FBN2: variants seen among roughly 807,000 people sequenced by gnomAD.
FBN2 encodes fibrillin-2.
A neutral mutation model predicts 355.6 loss-of-function variants in FBN2; 105 were observed. The ratio of observed to expected loss-of-function variants is 0.30; its 90% CI spans 0.25 to 0.35. The LOEUF (loss-of-function observed/expected upper bound fraction) is 0.35. Ranked by LOEUF, FBN2 falls within the 10% of genes least tolerant of loss-of-function variation. The pLI, the probability that FBN2 is intolerant of heterozygous loss-of-function variation, is 1.00. For missense variants in FBN2, 3,280 were observed against 3,758.7 expected (o/e 0.87, Z 3.33); for synonymous variants, 1,350 against 1,301.2 (o/e 1.04, Z -0.81).
chr5:128,296,009 C>G (rs1483453781), intron 48 of FBN2, among the ~76,000 whole-genome samples: 2 of 151,680 alleles, frequency 1.3e-5, no homozygotes, highest in African/African-American at 4.9e-5. Flanking sequence ...GAGATACGTC[C>G]CATCAATACC....
intron 36 of FBN2, among the ~76,000 whole-genome samples, chr5:128,315,834 C>T (rs927055983): frequency 6.6e-6 from 1 of 152,124 alleles, no homozygotes; most frequent in African/African-American, 2.4e-5. Flanking sequence ...ACTGTATTTC[C>T]TTTGTCTACG....
At chr5:128,476,666 CA>C (rs199839113) in intron 5 of FBN2, among the ~76,000 whole-genome samples, 141 of 143,828 alleles carry the variant, frequency 9.8e-4, no homozygotes, top group East Asian at 6.9e-3. Context: ...AGCAAGTAGA[CA>C]AAAAAAAAAT....
intron 7 of FBN2, among the ~76,000 whole-genome samples, chr5:128,425,901 G>C (rs1753470780): frequency 6.6e-6 from 1 of 152,098 alleles, no homozygotes; most frequent in Non-Finnish European, 1.5e-5. Flanking sequence ...TTATTCTCTT[G>C]ACAGTTTACA....
intron 6 of FBN2, among the ~76,000 whole-genome samples, chr5:128,449,530 G>A (rs957795704): frequency 4.7e-5 from 7 of 149,332 alleles, no homozygotes; most frequent in Middle Eastern, 3.8e-3. Flanking sequence ...AGTTAAATAC[G>A]TATAAACACT....
chr5:128,523,427 T>C (rs576640141), intron 4 of FBN2, among the ~76,000 whole-genome samples: 2 of 152,252 alleles, frequency 1.3e-5, no homozygotes, highest in South Asian at 2.1e-4. Context: ...TTGGGCTGAA[T>C]TGGGTCTCTG....
chr5:128,385,931 C>T (rs139950124), intron 11 of FBN2, among the ~76,000 whole-genome samples: 115 of 151,906 alleles, frequency 7.6e-4, no homozygotes, highest in Middle Eastern at 6.8e-3. Context: ...GATATTAGAC[C>T]ACTGTCAGAG....
chr5:128,297,658 C>T (rs566993894), intron 48 of FBN2, among the ~76,000 whole-genome samples: 3 of 152,228 alleles, frequency 2.0e-5, no homozygotes, highest in African/African-American at 7.2e-5. Flanking sequence ...AGGATTGCAA[C>T]CCCTGCCTTT....
At chr5:128,348,497 T>A (rs909424289) in intron 23 of FBN2, among the ~76,000 whole-genome samples, 1 of 152,126 alleles carries the variant, frequency 6.6e-6, no homozygotes, top group African/African-American at 2.4e-5. Flanking sequence ...ATAATAACTG[T>A]ATGGTATTGC....
intron 20 of FBN2, among the ~76,000 whole-genome samples, chr5:128,353,269 T>C (rs1023613309): frequency 7.9e-5 from 12 of 152,086 alleles, no homozygotes; most frequent in African/African-American, 2.9e-4. Context: ...GGGCCTATGA[T>C]GGCAGAAATA....
At chr5:128,513,530 G>C (rs911126399) in intron 5 of FBN2, among the ~76,000 whole-genome samples, 1 of 152,192 alleles carries the variant, frequency 6.6e-6, no homozygotes, top group African/African-American at 2.4e-5. Flanking sequence ...GAAAGAGCTG[G>C]AATAAATGAG....
intron 34 of FBN2, among the ~76,000 whole-genome samples, chr5:128,325,545 A>G (rs559280090): frequency 6.6e-6 from 1 of 152,294 alleles, no homozygotes; most frequent in Non-Finnish European, 1.5e-5. Flanking sequence ...GAAGTCTTCA[A>G]TCCTCCTCTA....
rs547145574 is a variant in FBN2 at position 128,374,570 on chromosome 5, T to C, written c.2095+58A>G. The C allele has an allele frequency of 3.1e-6, 5 of 1,606,842 alleles. No individual in the cohort carries two copies. The South Asian group carries it at 5.5e-5, about 18-fold the overall frequency. On this transcript the variant is annotated intron_variant, in intron 15 of 64. Coordinates refer to ENST00000262464, the MANE Select transcript of FBN2 (RefSeq NM_001999.4). ...TTACTCCACTGTATAGAAATATCTC[T>C]GTCAGTTTTTCAAAGATCATTTTGC...
At chr5:128,293,460 C>G (rs1022011805) in intron 48 of FBN2, among the ~76,000 whole-genome samples, 28 of 151,946 alleles carry the variant, frequency 1.8e-4, no homozygotes, top group African/African-American at 6.3e-4. Context: ...CCACTGCACT[C>G]CAGCCTGAGT....
intron 5 of FBN2, among the ~76,000 whole-genome samples, chr5:128,512,198 A>T (rs1051790390): frequency 1.3e-5 from 2 of 152,124 alleles, no homozygotes; most frequent in Non-Finnish European, 2.9e-5. Context: ...TCTCTCACCC[A>T]TTAGGACAAT....
At chr5:128,399,116 T>G (rs2126986696) in intron 8 of FBN2, among the ~76,000 whole-genome samples, 1 of 152,296 alleles carries the variant, frequency 6.6e-6, no homozygotes, top group Non-Finnish European at 1.5e-5. Context: ...GGATACTAAC[T>G]TAGAACTTTC....
At chr5:128,506,058 A>G (rs565239534) in intron 5 of FBN2, among the ~76,000 whole-genome samples, 3 of 152,362 alleles carry the variant, frequency 2.0e-5, no homozygotes, top group African/African-American at 7.2e-5. Flanking sequence ...ACAGTTTTCA[A>G]AAATGGTTGT....
chr5:128,347,813 C>CCAA (rs1751224905), intron 23 of FBN2, among the ~76,000 whole-genome samples: 1 of 151,546 alleles, frequency 6.6e-6, no homozygotes, highest in African/African-American at 2.4e-5. Context: ...GAGCCTCACT[C>CCAA]TGTTGCCAAG....
chr5:128,460,633 C>G (rs555004508), intron 6 of FBN2, among the ~76,000 whole-genome samples: 2 of 152,288 alleles, frequency 1.3e-5, no homozygotes, highest in South Asian at 4.1e-4. Context: ...GTAACCAAAA[C>G]AGCATGGTAC....
chr5:128,327,196 A>G (rs1561771961), intron 34 of FBN2, among the ~76,000 whole-genome samples: 1 of 152,210 alleles, frequency 6.6e-6, no homozygotes, highest in Non-Finnish European at 1.5e-5. Flanking sequence ...ATTCTGCCCA[A>G]TCTTGTGGGT....
Sources: allele counts gnomAD v4.1 joint callset (sites outside exome capture counted in the v4.1 genomes callset), GRCh38; gene constraint gnomAD v4.1.1; transcripts MANE v1.5; gene names NCBI Gene and HGNC (gene_info 2026-07-23, HGNC 2026-07-21).